FECH: variants seen among roughly 807,000 people sequenced by gnomAD.
FECH encodes the protein ferrochelatase.
Under a neutral mutation model 56.9 loss-of-function variants are expected in FECH, and 40 were observed. The ratio of observed to expected loss-of-function variants is 0.70; its 90% CI spans 0.55 to 0.92. FECH has a LOEUF of 0.92. FECH is among the 40% of genes least tolerant of loss of function. FECH has a pLI of 0.00. For missense variants in FECH, 431 were observed against 529.1 expected (o/e 0.81, Z 1.82); for synonymous variants, 175 against 198.6 (o/e 0.88, Z 1.00).
intron 10 of FECH, chr18:57,551,112 A>G (rs1255612674): frequency 3.1e-6 from 2 of 636,526 alleles, no homozygotes; most frequent in African/African-American, 1.8e-5. Flanking sequence ...TAAATCAGAC[A>G]TAGTTATAGG....
At chr18:57,585,532 C>CT (rs1358900642) in intron 1 of FECH, among the ~76,000 whole-genome samples, 1 of 152,192 alleles carries the variant, frequency 6.6e-6, no homozygotes, top group Non-Finnish European at 1.5e-5. Flanking sequence ...AAACAATGCC[C>CT]TTTGTCCCCC....
chr18:57,586,535 C>T lies in FECH; in HGVS notation c.67+19G>A, dbSNP rs1376932227. On this transcript the variant is annotated intron_variant, in intron 1 of 10. Transcript: ENST00000262093. Reference sequence around the variant, plus strand: ...TCAGGGATCCTGGCCCTGGCGGCCGCCGCGACAGACCCACTTACGCGGATC... The same window carrying T: ...TCAGGGATCCTGGCCCTGGCGGCCGTCGCGACAGACCCACTTACGCGGATC... The T allele has an allele frequency of 2.0e-6, 3 of 1,519,418 alleles. No individual in the cohort carries two copies. In the South Asian group the frequency reaches 3.6e-5, roughly 18 times the overall value. The allele number at this position is 1,519,418 out of a possible 1,614,324, so 94.1% of individuals were successfully genotyped here.
At position 57,550,671 on chromosome 18, in the gene FECH, G is replaced by A; in HGVS notation, c.*41C>T. 1 of 1,613,500 alleles carries A rather than the reference G, an allele frequency of 6.2e-7. No individual in the cohort carries two copies. Among genetic ancestry groups the A allele is most frequent in the South Asian group, 1.1e-5 (1 of 91,006 alleles). ...CTCTCCACATCGGAGGTATCTGGAG[G>A]TTGGGCATTTGCCTAACGCCACGGG... On this transcript the variant is annotated 3_prime_UTR_variant, in exon 11 of 11. Transcript: ENST00000262093.
At chr18:57,579,773 AC>A (rs1223787567) in intron 2 of FECH, among the ~76,000 whole-genome samples, 2 of 152,242 alleles carry the variant, frequency 1.3e-5, no homozygotes, top group Non-Finnish European at 2.9e-5. Flanking sequence ...GTTCGTAAAT[AC>A]ATTTCCAGCA....
Position 57,546,656 on chromosome 18 carries a change from G to A in FECH, c.*4056C>T, listed in dbSNP as rs181920623. Among the ~76,000 whole-genome samples, 243 of 152,226 alleles carry A rather than the reference G, an allele frequency of 1.6e-3. 1 individual carries two copies. Among genetic ancestry groups the A allele is most frequent in the Non-Finnish European group, 2.3e-3 (159 of 68,018 alleles). On this transcript the variant is annotated 3_prime_UTR_variant, in exon 11 of 11. Transcript: ENST00000262093. ...ACATGGAGTCAAAGGAGATTATTCC[G>A]GAACTTTAAGATTTATTGAGTAGGC...
At chr18:57,561,845 G>A (rs1626110) in intron 6 of FECH, among the ~76,000 whole-genome samples, 13,769 of 152,168 alleles carry the variant, frequency 0.09, 800 homozygotes, top group African/African-American at 0.16. Context: ...GTACTGGCTG[G>A]ACCCAGCAAC....
chr18:57,565,868 A>C (rs2051009230), intron 5 of FECH, among the ~76,000 whole-genome samples: 1 of 152,196 alleles, frequency 6.6e-6, no homozygotes, highest in African/African-American at 2.4e-5. Flanking sequence ...GCCAAACACC[A>C]ATTATTCCCC....
At chr18:57,553,656 T>C (rs943358376) in intron 9 of FECH, among the ~76,000 whole-genome samples, 2 of 152,246 alleles carry the variant, frequency 1.3e-5, no homozygotes, top group African/African-American at 4.8e-5. Context: ...CTATCTCATA[T>C]TACAAGACAC....
At position 57,556,369 on chromosome 18, in the gene FECH, T is replaced by C. The variant is rs996437634; in HGVS notation, c.805-1417A>G. 6.6e-5 allele frequency among the ~76,000 whole-genome samples: 10 copies of C among 152,010 alleles called. No homozygotes were observed. The South Asian group carries it at 1.9e-3, about 28-fold the overall frequency. ...ATATTTTTAATTACAAAGAGAAAAA[T>C]AGTAATTTTAGGATGGATCAACACA... is the stretch of plus-strand genomic sequence containing the variant. On this transcript the variant is annotated intron_variant, in intron 7 of 10. Coordinates refer to ENST00000262093, the MANE Select transcript of FECH (RefSeq NM_000140.5).
intron 3 of FECH, chr18:57,572,997 C>T (rs1342673691): frequency 1.9e-6 from 1 of 530,392 alleles, no homozygotes; most frequent in African/African-American, 1.9e-5. Flanking sequence ...TAGGCTATGT[C>T]AAGACAACTG....
intron 5 of FECH, among the ~76,000 whole-genome samples, chr18:57,563,586 A>C (rs1260009706): frequency 6.7e-5 from 10 of 150,174 alleles, no homozygotes; most frequent in South Asian, 2.1e-4. Flanking sequence ...GTCCCAAAAA[A>C]AAAAAAAAAA....
intron 3 of FECH, among the ~76,000 whole-genome samples, chr18:57,572,418 G>A (rs559997063): frequency 6.6e-6 from 1 of 151,068 alleles, no homozygotes; most frequent in African/African-American, 2.4e-5. Flanking sequence ...ATCGTGGAGT[G>A]GGGGGAGAGG....
chr18:57,565,851 A>G (rs2051009114), intron 5 of FECH, among the ~76,000 whole-genome samples: 2 of 152,352 alleles, frequency 1.3e-5, no homozygotes, highest in South Asian at 4.2e-4. Flanking sequence ...TGAATGATAC[A>G]GAGATTGCCA....
intron 4 of FECH, among the ~76,000 whole-genome samples, chr18:57,570,193 C>A (rs1260383093): frequency 1.3e-5 from 2 of 152,056 alleles, no homozygotes; most frequent in Non-Finnish European, 2.9e-5. Flanking sequence ...CACACCAGGC[C>A]CACAAGAAAC....
Position 57,571,479 on chromosome 18 carries a change from T to A in FECH, c.376A>T (p.Ile126Phe). Residue 126 changes from isoleucine (I) to phenylalanine (F), a missense_variant, in exon 4 of 11, where the codon ATT becomes TTT. By Grantham distance (21) the Ile-to-Phe change is conservative. Transcript: ENST00000262093. ...ATCTTGATGGGGGATCCGCCTCCAATCCTGCGGTACTGCTCTTGAATCTTG... is the reference window on the plus strand; with the variant it reads ...ATCTTGATGGGGGATCCGCCTCCAAACCTGCGGTACTGCTCTTGAATCTTG... ...TPKIQEQYRRIGGGSPIKIWT... is the reference protein window; with the variant it reads ...TPKIQEQYRRFGGGSPIKIWT... The A allele has an allele frequency of 6.2e-7, 1 of 1,614,022 alleles. No homozygotes were observed. Among genetic ancestry groups the A allele is most frequent in the Non-Finnish European group, 8.5e-7 (1 of 1,180,014 alleles).
intron 1 of FECH, among the ~76,000 whole-genome samples, chr18:57,581,726 C>T (rs536831101): frequency 2.6e-5 from 4 of 152,302 alleles, no homozygotes; most frequent in South Asian, 2.1e-4. Context: ...AGGAGTGAAG[C>T]GTTCTGCAGT....
At chr18:57,555,239 G>A (rs2050853640) in intron 7 of FECH, among the ~76,000 whole-genome samples, 2 of 152,200 alleles carry the variant, frequency 1.3e-5, no homozygotes, top group Non-Finnish European at 2.9e-5. Context: ...TAAAGAGGAT[G>A]GTTCTCTCTC....
chr18:57,557,149 A>G lies in FECH; in HGVS notation c.804+1996T>C, dbSNP rs2050879307. 2.6e-5 allele frequency among the ~76,000 whole-genome samples: 4 copies of G among 152,194 alleles called. No individual in the cohort carries two copies. The South Asian group carries it at 8.3e-4, about 32-fold the overall frequency. ...GGTTTCTCAGCGTTGGTAACTGTAC[A>G]GTGGTTGTGTAAGATGTTAACACTG... On this transcript the variant is annotated intron_variant, in intron 7 of 10. Coordinates refer to ENST00000262093, the MANE Select transcript of FECH (RefSeq NM_000140.5).
In FECH at chr18:57,559,153, G is replaced by A; in HGVS notation, c.796C>T (p.Pro266Ser). 6.2e-7 allele frequency: 1 copy of A among 1,606,402 alleles called. No individual in the cohort carries two copies. The highest frequency in any genetic ancestry group is 2.2e-5 in the East Asian group (1 of 44,820). ...AAAATGTTCTTACTTACAGACATGG[G>A]CAGTGAGTGAGCAGAAAACAGAATG... is the stretch of plus-strand genomic sequence containing the variant. The part of the protein sequence containing the change: ...VVILFSAHSL[P>S]MSVVNRGDPY... Residue 266 changes from proline (P) to serine (S), a missense_variant, in exon 7 of 11, where the codon CCC (proline) becomes TCC (serine). Coordinates refer to ENST00000262093, the MANE Select transcript of FECH (RefSeq NM_000140.5).
Sources: allele counts gnomAD v4.1 joint callset (sites outside exome capture counted in the v4.1 genomes callset), GRCh38; gene constraint gnomAD v4.1.1; transcripts MANE v1.5; gene names NCBI Gene and HGNC (gene_info 2026-07-23, HGNC 2026-07-21).